Variants in CDH13 observed in about 807,000 individuals in gnomAD.
CDH13 encodes the protein cadherin-13.
In CDH13, 24 loss-of-function variants were observed where a neutral mutation model predicts 63.8. The observed-to-expected ratio is 0.38, with a 90% CI of 0.27 to 0.53. The LOEUF is 0.53. Ranked by LOEUF, CDH13 falls within the 20% of genes least tolerant of loss-of-function variation. The pLI, the probability that CDH13 is intolerant of heterozygous loss-of-function variation, is 0.85. For synonymous variants in CDH13, 503 were observed against 355.3 expected (o/e 1.42, Z -4.67); for missense variants, 1,049 against 903.1 (o/e 1.16, Z -2.07).
chr16:83,523,991 C>G (rs1017980553), intron 7 of CDH13, among the ~76,000 whole-genome samples: 1 of 152,210 alleles, frequency 6.6e-6, no homozygotes, highest in Non-Finnish European at 1.5e-5. Flanking sequence ...TTGCACCTCT[C>G]AACCAAGATT....
chr16:83,045,260 T>A (rs61375132), intron 3 of CDH13, among the ~76,000 whole-genome samples: 2,200 of 152,276 alleles, frequency 0.014, 38 homozygotes, highest in African/African-American at 0.051. Context: ...AATAAAACTT[T>A]CCTCGTGAAC....
intron 4 of CDH13, among the ~76,000 whole-genome samples, chr16:83,201,892 G>A (rs1050707135): frequency 6.6e-6 from 1 of 152,162 alleles, no homozygotes; most frequent in African/African-American, 2.4e-5. Context: ...TCCAGCCTAG[G>A]CAACAGAGCG....
At chr16:82,679,094 T>G (rs751109755) in intron 1 of CDH13, among the ~76,000 whole-genome samples, 8 of 152,222 alleles carry the variant, frequency 5.3e-5, no homozygotes, top group Non-Finnish European at 1.0e-4. Context: ...ACGGTTCCCA[T>G]TATCCATGGG....
chr16:82,674,424 G>A (rs1000727577), intron 1 of CDH13, among the ~76,000 whole-genome samples: 1 of 152,208 alleles, frequency 6.6e-6, no homozygotes, highest in Non-Finnish European at 1.5e-5. Context: ...GAAGGGGCAT[G>A]AGAAGTGTTA....
At chr16:82,988,202 ATATG>A (rs1449641037) in intron 2 of CDH13, among the ~76,000 whole-genome samples, 3 of 152,238 alleles carry the variant, frequency 2.0e-5, no homozygotes, top group Non-Finnish European at 4.4e-5. Flanking sequence ...CATGTAGTGT[ATATG>A]TATGCACATG....
intron 10 of CDH13, among the ~76,000 whole-genome samples, chr16:83,730,190 T>C (rs1337524612): frequency 6.6e-6 from 1 of 152,240 alleles, no homozygotes; most frequent in Admixed American, 6.5e-5. Context: ...GGAGAAAATA[T>C]AATTGTCGCT....
chr16:83,107,027 C>G (rs1018975047), intron 3 of CDH13, among the ~76,000 whole-genome samples: 2 of 152,192 alleles, frequency 1.3e-5, no homozygotes, highest in Admixed American at 6.5e-5. Context: ...CACACACAGA[C>G]AGACAGACAC....
chr16:83,090,639 C>T (rs968604291), intron 3 of CDH13, among the ~76,000 whole-genome samples: 1 of 151,788 alleles, frequency 6.6e-6, no homozygotes, highest in Non-Finnish European at 1.5e-5. Flanking sequence ...CAGCAACATT[C>T]CTAGCCCAGG....
chr16:83,415,543 GC>G (rs1341868829), intron 6 of CDH13, among the ~76,000 whole-genome samples: 2 of 152,144 alleles, frequency 1.3e-5, no homozygotes, highest in African/African-American at 4.8e-5. Context: ...GAATCCAGCA[GC>G]ACATTAAGAG....
intron 1 of CDH13, among the ~76,000 whole-genome samples, chr16:82,729,274 C>T (rs1046675737): frequency 7.2e-5 from 11 of 152,076 alleles, no homozygotes; most frequent in Non-Finnish European, 1.0e-4. Flanking sequence ...CACTTTGCCC[C>T]GATCCATCAG....
At chr16:82,921,934 T>C (rs1187067645) in intron 2 of CDH13, among the ~76,000 whole-genome samples, 4 of 152,164 alleles carry the variant, frequency 2.6e-5, no homozygotes, top group African/African-American at 9.6e-5. Flanking sequence ...ATTATTATTA[T>C]TTGTTTTTAA....
chr16:83,333,171 G>A (rs1272560138), intron 5 of CDH13, among the ~76,000 whole-genome samples: 1 of 152,108 alleles, frequency 6.6e-6, no homozygotes, highest in African/African-American at 2.4e-5. Flanking sequence ...GAACTCTCTA[G>A]GAGTTGGTCC....
chr16:82,931,046 C>T (rs2093448832), intron 2 of CDH13, among the ~76,000 whole-genome samples: 1 of 152,166 alleles, frequency 6.6e-6, no homozygotes, highest in Non-Finnish European at 1.5e-5. Flanking sequence ...GAAGCTAATT[C>T]CAAACAAAGT....
At chr16:83,114,213 G>T (rs887586590) in intron 3 of CDH13, among the ~76,000 whole-genome samples, 1 of 152,172 alleles carries the variant, frequency 6.6e-6, no homozygotes, top group African/African-American at 2.4e-5. Context: ...GACCTTCGAT[G>T]CATTTTTTAT....
At chr16:82,849,864 A>T (rs761174874) in intron 1 of CDH13, among the ~76,000 whole-genome samples, 1 of 152,244 alleles carries the variant, frequency 6.6e-6, no homozygotes, top group Non-Finnish European at 1.5e-5. Flanking sequence ...ATGACAGTAC[A>T]TCTGTTTACA....
At chr16:83,501,088 G>C (rs2074273896) in intron 7 of CDH13, among the ~76,000 whole-genome samples, 1 of 152,202 alleles carries the variant, frequency 6.6e-6, no homozygotes, top group African/African-American at 2.4e-5. Flanking sequence ...CATAGCAATG[G>C]CTTTCCTGGC....
chr16:83,291,664 T>C (rs1453480836), intron 5 of CDH13, among the ~76,000 whole-genome samples: 1 of 152,068 alleles, frequency 6.6e-6, no homozygotes, highest in Non-Finnish European at 1.5e-5. Context: ...TAACTAAAAA[T>C]AAAACTAGCC....
chr16:83,463,168 G>A (rs2151527570), intron 6 of CDH13, among the ~76,000 whole-genome samples: 1 of 152,292 alleles, frequency 6.6e-6, no homozygotes, highest in South Asian at 2.1e-4. Flanking sequence ...CTGGGGCAGG[G>A]GCATTGAAGA....
At chr16:83,045,071 G>C (rs2151493722) in intron 3 of CDH13, among the ~76,000 whole-genome samples, 2 of 152,266 alleles carry the variant, frequency 1.3e-5, no homozygotes, top group Middle Eastern at 6.8e-3. Context: ...AACTCCCAGA[G>C]AGATTCACAT....
Sources: allele counts gnomAD v4.1 joint callset (sites outside exome capture counted in the v4.1 genomes callset), GRCh38; gene constraint gnomAD v4.1.1; transcripts MANE v1.5; gene names NCBI Gene and HGNC (gene_info 2026-07-23, HGNC 2026-07-21).